Variants in GTF2IRD2B observed in about 807,000 individuals in gnomAD.
GTF2IRD2B encodes the protein GTF2I repeat domain containing 2B, also known as general transcription factor II-I repeat domain-containing protein 2B.
GTF2IRD2B carries 10 observed loss-of-function variants against 55.6 expected under a neutral mutation model. The observed-to-expected ratio is 0.18, with a 90% CI of 0.11 to 0.31. The LOEUF (loss-of-function observed/expected upper bound fraction) is 0.31, where lower values mean the gene tolerates loss of function less well. Ranked by LOEUF, GTF2IRD2B falls within the 10% of genes least tolerant of loss-of-function variation. The probability of loss-of-function intolerance (pLI) is 1.00; values close to 1 mark genes in which losing one functional copy is unlikely to be tolerated. For missense variants in GTF2IRD2B, 206 were observed against 802.7 expected (o/e 0.26, Z 8.98); for synonymous variants, 107 against 320.5 (o/e 0.33, Z 7.12).
chr7:75,123,894 C>T (rs1305010247), intron 6 of GTF2IRD2B: 3 of 340,172 alleles, frequency 8.8e-6, no homozygotes, highest in South Asian at 4.7e-5. Flanking sequence ...AAAAACAAAA[C>T]TTGAATTTGG....
At chr7:75,107,259 G>A (rs1807835244) in intron 1 of GTF2IRD2B, among the ~76,000 whole-genome samples, 1 of 152,070 alleles carries the variant, frequency 6.6e-6, no homozygotes, top group African/African-American at 2.4e-5. Flanking sequence ...ATTCTATAAA[G>A]TTAGCATAAA....
intron 3 of GTF2IRD2B, among the ~76,000 whole-genome samples, chr7:75,113,961 G>C (rs1808056817): frequency 6.7e-6 from 1 of 149,888 alleles, no homozygotes; most frequent in Non-Finnish European, 1.5e-5. Context: ...AGACAGATTA[G>C]ATAAATGGAT....
chr7:75,106,981 G>A (rs1399271813), intron 1 of GTF2IRD2B, among the ~76,000 whole-genome samples: 1 of 151,534 alleles, frequency 6.6e-6, no homozygotes, highest in Non-Finnish European at 1.5e-5. Context: ...AAAATTTAGA[G>A]TGAGCTTTTA....
Position 75,138,635 on chromosome 7 carries a change from C to T in GTF2IRD2B, c.872-315C>T, listed in dbSNP as rs1352578205. On this transcript the variant is annotated intron_variant, in intron 11 of 15. Coordinates refer to ENST00000472837, the MANE Select transcript of GTF2IRD2B (RefSeq NM_001003795.3). Reference sequence around the variant, plus strand: ...TGAGCCGAGATCGCACCACTGCACTCCAGCCTGGGTGATAGACTCAGTCTC... The same window carrying T: ...TGAGCCGAGATCGCACCACTGCACTTCAGCCTGGGTGATAGACTCAGTCTC... Among the ~76,000 whole-genome samples the T allele has an allele frequency of 8.0e-4, 96 of 119,352 alleles. No homozygotes were observed. In the East Asian group the frequency reaches 0.015, roughly 19 times the overall value. 78.3% of individuals were successfully genotyped at this position (119,352 alleles called of 152,430 possible).
intron 3 of GTF2IRD2B, among the ~76,000 whole-genome samples, chr7:75,114,397 CTG>C (rs1488318092): frequency 7.9e-5 from 12 of 151,090 alleles, no homozygotes; most frequent in Admixed American, 5.3e-4. Flanking sequence ...TGTAATGAAA[CTG>C]TTCTGAAATT....
Position 75,148,267 on chromosome 7 carries a change from G to C in GTF2IRD2B, c.1820G>C (p.Cys607Ser), listed in dbSNP as rs1554454553. 1.9e-6 allele frequency: 3 copies of C among 1,613,854 alleles called. No homozygotes were observed. In the Admixed American group the frequency reaches 5.0e-5, roughly 27 times the overall value. Residue 607 changes from cysteine (C) to serine (S), a missense_variant, in exon 16 of 16, where the codon TGT becomes TCT. Physicochemically the swap from Cys to Ser is moderately radical, Grantham distance 112. Transcript: ENST00000472837. ...GTTGAGAAGAGCCTGAAAAAGTTCT[G>C]TATCAACTGGTCGAGATTAGTAAGC... Reference protein sequence around the residue: ...LRVEKSLKKFCINWSRLVSVA... With the variant: ...LRVEKSLKKFSINWSRLVSVA...
intron 8 of GTF2IRD2B, among the ~76,000 whole-genome samples, chr7:75,131,792 CAG>C (rs1808668199): frequency 8.4e-6 from 1 of 118,988 alleles, no homozygotes; most frequent in Non-Finnish European, 1.6e-5. Flanking sequence ...GCCCAGGAGA[CAG>C]AGGTTGCAGT....
intron 1 of GTF2IRD2B, among the ~76,000 whole-genome samples, chr7:75,101,631 A>G (rs1554449550): frequency 6.6e-6 from 1 of 150,644 alleles, no homozygotes; most frequent in Non-Finnish European, 1.5e-5. Context: ...AGTGCCTCAC[A>G]CCTATAATCC....
chr7:75,104,171 G>T (rs1807684583), intron 1 of GTF2IRD2B, among the ~76,000 whole-genome samples: 1 of 135,646 alleles, frequency 7.4e-6, no homozygotes. Flanking sequence ...TGCCCCACCT[G>T]GAGGGCAGTG....
intron 6 of GTF2IRD2B, among the ~76,000 whole-genome samples, chr7:75,124,258 C>T (rs1427252702): frequency 6.6e-6 from 1 of 152,164 alleles, no homozygotes. Flanking sequence ...ATCCCAGTTA[C>T]TCAGGAGGCT....
rs587740512 is a variant in GTF2IRD2B, at chr7:75,120,183, CAA to C, written c.239-697_239-696del. On this transcript the variant is annotated intron_variant, in intron 3 of 15. Transcript: ENST00000472837. ...TATACTTGTGCCCCTTACATTGATA[CAA>C]AAAAAAAAAACAAAAACCTTTCTGT... is the stretch of plus-strand genomic sequence containing the variant. 2.9e-4 allele frequency among the ~76,000 whole-genome samples: 19 copies of C among 65,320 alleles called. 1 individual carries two copies. The highest frequency in any genetic ancestry group is 4.1e-4 in the African/African-American group (5 of 12,256). 42.9% of individuals were successfully genotyped at this position (65,320 alleles called of 152,430 possible).
intron 15 of GTF2IRD2B, among the ~76,000 whole-genome samples, chr7:75,147,209 G>C (rs1809171572): frequency 6.6e-6 from 1 of 151,884 alleles, no homozygotes; most frequent in African/African-American, 2.4e-5. Flanking sequence ...GAGGTGGGCG[G>C]ATCACCTGAG....
chr7:75,109,298 T>C (rs1807890858), intron 2 of GTF2IRD2B, among the ~76,000 whole-genome samples: 1 of 146,220 alleles, frequency 6.8e-6, no homozygotes, highest in Non-Finnish European at 1.5e-5. Flanking sequence ...CTCAGCCTCC[T>C]GGGTAGCTGG....
intron 3 of GTF2IRD2B, among the ~76,000 whole-genome samples, chr7:75,117,976 G>A (rs1474607200): frequency 3.3e-5 from 5 of 151,800 alleles, no homozygotes; most frequent in South Asian, 4.2e-4. Flanking sequence ...CCAGCTACTC[G>A]GGAGGCTGAG....
At chr7:75,109,406 T>C (rs1433785752) in intron 2 of GTF2IRD2B, among the ~76,000 whole-genome samples, 4 of 144,292 alleles carry the variant, frequency 2.8e-5, no homozygotes, top group Admixed American at 2.1e-4. Flanking sequence ...TGGCATGATG[T>C]CGGCTCACTG....
intron 1 of GTF2IRD2B, among the ~76,000 whole-genome samples, chr7:75,104,398 C>T (rs1554421491): frequency 7.2e-4 from 109 of 152,236 alleles, no homozygotes; most frequent in Admixed American, 1.4e-3. Context: ...GGATTATAGG[C>T]GTGAGCCACC....
chr7:75,102,030 T>C (rs1260190333), intron 1 of GTF2IRD2B, among the ~76,000 whole-genome samples: 1 of 151,144 alleles, frequency 6.6e-6, no homozygotes, highest in Non-Finnish European at 1.5e-5. Context: ...TGAGACGGAG[T>C]CTCACTCTGT....
chr7:75,139,529 G>T (rs1227877460), intron 12 of GTF2IRD2B, among the ~76,000 whole-genome samples: 2 of 109,216 alleles, frequency 1.8e-5, no homozygotes, highest in East Asian at 4.2e-4. Flanking sequence ...AGCTACTCGG[G>T]AGGCTGAGGC....
rs1367643911 is a variant in GTF2IRD2B at position 75,104,184 on chromosome 7, AC to A, written c.-5-4775del. 1.2e-3 allele frequency among the ~76,000 whole-genome samples: 162 copies of A among 138,210 alleles called. 1 individual carries two copies. The highest frequency in any genetic ancestry group is 4.2e-3 in the African/African-American group (156 of 37,392). The allele number at this position is 138,210 out of a possible 152,430, so 90.7% of individuals were successfully genotyped here. On this transcript the variant is annotated intron_variant, in intron 1 of 15. Coordinates refer to ENST00000472837, the MANE Select transcript of GTF2IRD2B (RefSeq NM_001003795.3). Reference sequence around the variant, plus strand: ...GTTGCCCCACCTGGAGGGCAGTGGCACAATCTTGGCTCACTGCAACCTCCGC... The same window carrying A: ...GTTGCCCCACCTGGAGGGCAGTGGCAAATCTTGGCTCACTGCAACCTCCGC...
Sources: allele counts gnomAD v4.1 joint callset (sites outside exome capture counted in the v4.1 genomes callset), GRCh38; gene constraint gnomAD v4.1.1; transcripts MANE v1.5; gene names NCBI Gene and HGNC (gene_info 2026-07-23, HGNC 2026-07-21).